HEATR5B: variants seen among roughly 807,000 people sequenced by gnomAD.
HEATR5B encodes HEAT repeat containing 5B, also known as HEAT repeat-containing protein 5B.
A neutral mutation model predicts 224.1 loss-of-function variants in HEATR5B; 156 were observed. The ratio of observed to expected loss-of-function variants is 0.70; its 90% CI spans 0.61 to 0.80. The LOEUF is 0.80. Ranked by LOEUF, HEATR5B falls within the 30% of genes least tolerant of loss-of-function variation. The pLI, the probability that HEATR5B is intolerant of heterozygous loss-of-function variation, is 0.00. For missense variants in HEATR5B, 2,323 were observed against 2,535.5 expected, an observed-to-expected ratio of 0.92 and a Z score of 1.80; for synonymous variants, 1,027 against 893.0, an observed-to-expected ratio of 1.15 and a Z score of -2.68.
intron 13 of HEATR5B, 128 bp downstream of exon 13, chr2:37,058,760 A>T (rs1367012782): frequency 1.4e-6 from 1 of 699,332 alleles, no homozygotes; most frequent in Non-Finnish European, 2.4e-6. Context: ...TGTAATTTTT[A>T]AAGTTATATT....
intron 8 of HEATR5B, among the ~76,000 whole-genome samples, chr2:37,067,366 T>G (rs1418620439): frequency 6.6e-6 from 1 of 152,254 alleles, no homozygotes; most frequent in Non-Finnish European, 1.5e-5. Context: ...TTCTTTAAGT[T>G]GTGAATCTAA....
intron 20 of HEATR5B, among the ~76,000 whole-genome samples, chr2:37,038,438 C>A (rs752719621): frequency 6.6e-6 from 1 of 152,148 alleles, no homozygotes; most frequent in Non-Finnish European, 1.5e-5. Context: ...CTGCACCCGG[C>A]CTATATGCCT....
At chr2:37,025,402 C>T (rs181759753) in intron 24 of HEATR5B, among the ~76,000 whole-genome samples, 161 of 150,398 alleles carry the variant, frequency 1.1e-3, no homozygotes, top group African/African-American at 3.8e-3. Flanking sequence ...GGGAAAAGAA[C>T]GATTCTGAAG....
At chr2:36,993,828 GA>G (rs11362647) in intron 33 of HEATR5B, among the ~76,000 whole-genome samples, 54,123 of 148,842 alleles carry the variant, frequency 0.36, 10,129 homozygotes, top group African/African-American at 0.43. Flanking sequence ...AACCTGAGAG[GA>G]AAAAAAAAAA....
At chr2:36,984,215 A>AAAAAAAAAAAAAAAAAAAAAATAT in intron 35 of HEATR5B, among the ~76,000 whole-genome samples, 3 of 77,644 alleles carry the variant, frequency 3.9e-5, no homozygotes, top group Admixed American at 1.4e-4. Context: ...AAAAAAAAAA[A>AAAAAAAAAAAAAAAAAAAAAATAT]ATATATATAT....
intron 23 of HEATR5B, 59 bp from the exon 24 acceptor site, chr2:37,028,233 A>G: frequency 9.1e-7 from 1 of 1,099,106 alleles, no homozygotes; most frequent in Non-Finnish European, 1.2e-6. Context: ...GATCCTTTAA[A>G]AAGTTATTAA....
intron 33 of HEATR5B, among the ~76,000 whole-genome samples, chr2:36,996,522 T>A (rs930446506): frequency 6.6e-6 from 1 of 151,448 alleles, no homozygotes; most frequent in African/African-American, 2.4e-5. Context: ...GTTCAAGCAA[T>A]CCTTCCACCT....
rs1397356668 is a variant in HEATR5B, at chr2:37,007,141, A to G, written c.4686T>C (p.Ser1562=). The G allele has an allele frequency of 1.2e-6, 2 of 1,614,140 alleles. No homozygotes were observed. Among genetic ancestry groups the G allele is most frequent in the Non-Finnish European group, 1.7e-6 (2 of 1,180,008 alleles). Residue 1562 remains serine, a synonymous_variant, in exon 29 of 36, where the codon TCT becomes TCC. Coordinates refer to ENST00000233099, the MANE Select transcript of HEATR5B (RefSeq NM_019024.3). Reference sequence around the variant, plus strand: ...ATGCCTGGTTTAAATTGACAGATGTAGAACGTTTTTGTAAACCAGATATTG... The same window carrying G: ...ATGCCTGGTTTAAATTGACAGATGTGGAACGTTTTTGTAAACCAGATATTG... ...AAAISGLQKR[S]TSVNLNQASG... is the part of the protein sequence containing the mutation.
Position 37,034,591 on chromosome 2 carries a change from C to T in HEATR5B, c.3217-1818G>A, listed in dbSNP as rs1181865768. 2.7e-4 allele frequency among the ~76,000 whole-genome samples: 30 copies of T among 112,814 alleles called. 1 individual carries two copies. The South Asian group carries it at 7.2e-3, about 27-fold the overall frequency. 74.0% of individuals were successfully genotyped at this position (112,814 alleles called of 152,430 possible). On this transcript the variant is annotated intron_variant, in intron 21 of 35. Transcript: ENST00000233099. ...TCCCGCCACTGCACTCCAGCCTGGG[C>T]GACACAGCGAGACTCTGTCTCAAAA...
chr2:37,029,823 G>A lies in HEATR5B; in HGVS notation c.3362-903C>T, dbSNP rs527607434. ...GTGCAGTGGCAGGTGCCTGTAATTC[G>A]AGCCACTCGGGAGGCTGAGGCAGGA... On this transcript the variant is annotated intron_variant, in intron 22 of 35. Transcript: ENST00000233099. Among the ~76,000 whole-genome samples, 794 of 151,102 alleles carry A rather than the reference G, an allele frequency of 5.3e-3. 2 individuals carry two copies. The highest frequency in any genetic ancestry group is 7.2e-3 in the Non-Finnish European group (491 of 67,726).
intron 26 of HEATR5B, among the ~76,000 whole-genome samples, chr2:37,016,717 G>A (rs1335005977): frequency 6.6e-6 from 1 of 152,164 alleles, no homozygotes; most frequent in Non-Finnish European, 1.5e-5. Flanking sequence ...ACAGCATTTG[G>A]ATTTCAAATC....
intron 35 of HEATR5B, among the ~76,000 whole-genome samples, chr2:36,987,952 G>T (rs572170394): frequency 6.6e-6 from 1 of 151,792 alleles, no homozygotes; most frequent in Non-Finnish European, 1.5e-5. Flanking sequence ...CATGCCTGTA[G>T]TCCCAGCTAC....
At position 37,057,308 on chromosome 2, in the gene HEATR5B, G is replaced by T; in HGVS notation, c.2223+9C>A. On this transcript the variant is annotated intron_variant, in intron 15 of 35. Coordinates refer to ENST00000233099, the MANE Select transcript of HEATR5B (RefSeq NM_019024.3). ...AAGTTAGTATTTCATTTTCCTCTAT[G>T]TTTATTACCTGGTCTTCAATTGATT... The T allele has an allele frequency of 6.3e-7, 1 of 1,588,856 alleles. No homozygotes were observed. The highest frequency in any genetic ancestry group is 8.6e-7 in the Non-Finnish European group (1 of 1,168,198).
intron 4 of HEATR5B, 123 bp downstream of exon 4, chr2:37,076,788 G>A (rs115252722): frequency 2.0e-5 from 13 of 659,774 alleles, no homozygotes; most frequent in Admixed American, 5.8e-5. Context: ...GTAATAATTT[G>A]TAATTACCTC....
At chr2:37,026,172 T>C (rs994731728) in intron 24 of HEATR5B, among the ~76,000 whole-genome samples, 5 of 152,132 alleles carry the variant, frequency 3.3e-5, no homozygotes, top group African/African-American at 4.8e-5. Flanking sequence ...GATTTAACGC[T>C]GCTGGCTTTG....
chr2:36,981,414 A>G lies in HEATR5B; in HGVS notation c.*76T>C. ...TACAAATAAAACAGAACCCATAGGT[A>G]GCCTGGAATGATACAGTGGCCATCA... On this transcript the variant is annotated 3_prime_UTR_variant, in exon 36 of 36. Coordinates refer to ENST00000233099, the MANE Select transcript of HEATR5B (RefSeq NM_019024.3). 1 of 1,124,834 alleles carries G rather than the reference A, an allele frequency of 8.9e-7. No homozygotes were observed. The highest frequency in any genetic ancestry group is 1.3e-6 in the Non-Finnish European group (1 of 791,936). The allele number at this position is 1,124,834 out of a possible 1,614,324, so 69.7% of individuals were successfully genotyped here. A position where few individuals can be genotyped will look rare whatever the true frequency, so the allele number is the denominator to read the frequency against.
intron 26 of HEATR5B, among the ~76,000 whole-genome samples, chr2:37,017,079 G>A (rs370203915): frequency 1.1e-4 from 16 of 152,266 alleles, no homozygotes; most frequent in African/African-American, 3.1e-4. Flanking sequence ...ATAAAGATTA[G>A]GAATTTGGCA....
chr2:37,083,775 A>G (rs573485239), intron 1 of HEATR5B, among the ~76,000 whole-genome samples: 20 of 152,062 alleles, frequency 1.3e-4, no homozygotes, highest in African/African-American at 4.8e-4. Flanking sequence ...AAGATCAAAC[A>G]CCCCAGCCGG....
chr2:36,997,723 C>T (rs985530129), intron 33 of HEATR5B, among the ~76,000 whole-genome samples: 18 of 152,192 alleles, frequency 1.2e-4, no homozygotes, highest in Middle Eastern at 3.4e-3. Context: ...CCCGCCACCA[C>T]GCCCAGCTAA....
Sources: gnomAD v4.1 joint callset for allele counts (sites outside exome capture counted in the v4.1 genomes callset) on GRCh38, gnomAD v4.1.1 for gene constraint, MANE v1.5 for transcripts, NCBI Gene and HGNC (gene_info 2026-07-23, HGNC 2026-07-21) for gene names.